The following TLL2 variants were observed in gnomAD, a reference collection of about 807,000 sequenced individuals.
TLL2 encodes tolloid-like protein 2.
TLL2 carries 106 observed loss-of-function variants against 123.0 expected under a neutral mutation model. The ratio of observed to expected loss-of-function variants is 0.86; its 90% CI spans 0.74 to 1.01. The LOEUF is 1.01. Ranked by LOEUF, TLL2 falls within the 50% of genes least tolerant of loss-of-function variation. TLL2 has a pLI of 0.00. For synonymous variants in TLL2, 494 were observed against 516.8 expected (o/e 0.96, Z 0.60); for missense variants, 1,332 against 1,336.7 (o/e 1.00, Z 0.06).
chr10:96,459,155 G>A (rs539509336), intron 2 of TLL2, among the ~76,000 whole-genome samples: 9 of 152,216 alleles, frequency 5.9e-5, no homozygotes, highest in African/African-American at 1.4e-4. Context: ...TTCCCCAAAC[G>A]AAGTTATGGG....
intron 1 of TLL2, among the ~76,000 whole-genome samples, chr10:96,507,929 T>C (rs1359120032): frequency 1.3e-5 from 2 of 152,160 alleles, no homozygotes; most frequent in Admixed American, 1.3e-4. Flanking sequence ...TTTAATTCCA[T>C]CAAATCAGCA....
intron 10 of TLL2, among the ~76,000 whole-genome samples, chr10:96,403,039 C>T (rs1014422934): frequency 5.9e-5 from 9 of 152,176 alleles, no homozygotes; most frequent in African/African-American, 2.2e-4. Flanking sequence ...CCTCACTGAG[C>T]GCTTAGACTT....
chr10:96,391,390 C>T (rs1372654755), intron 13 of TLL2, among the ~76,000 whole-genome samples: 2 of 152,182 alleles, frequency 1.3e-5, no homozygotes, highest in Non-Finnish European at 2.9e-5. Context: ...CCACTTGCCA[C>T]GTCCAGAGCC....
chr10:96,442,521 T>C (rs1475916021), intron 3 of TLL2, among the ~76,000 whole-genome samples: 1 of 152,256 alleles, frequency 6.6e-6, no homozygotes, highest in Non-Finnish European at 1.5e-5. Context: ...TCTTCAGGAC[T>C]GCCCTGGATG....
intron 1 of TLL2, among the ~76,000 whole-genome samples, chr10:96,481,413 ATGT>A (rs761711475): frequency 5.9e-5 from 9 of 152,250 alleles, no homozygotes; most frequent in Non-Finnish European, 8.8e-5. Flanking sequence ...TACAGGTGTG[ATGT>A]TGTTTTCATA....
chr10:96,411,766 C>G lies in TLL2; in HGVS notation c.1049-1292G>C, dbSNP rs74515452. Reference sequence around the variant, plus strand: ...TGGCGACTGACTGAGCTTTCAGTTACTGCTCGGAACTACTGGAAGCTCCAC... The same window carrying G: ...TGGCGACTGACTGAGCTTTCAGTTAGTGCTCGGAACTACTGGAAGCTCCAC... On this transcript the variant is annotated intron_variant, in intron 8 of 20. Coordinates refer to ENST00000357947, the MANE Select transcript of TLL2 (RefSeq NM_012465.4). Among the ~76,000 whole-genome samples, 1,262 of 152,310 alleles carry G rather than the reference C, an allele frequency of 8.3e-3. 61 individuals carry two copies. In the South Asian group the frequency reaches 0.1, roughly 13 times the overall value.
chr10:96,495,004 C>T (rs544741500), intron 1 of TLL2, among the ~76,000 whole-genome samples: 4 of 152,274 alleles, frequency 2.6e-5, no homozygotes, highest in African/African-American at 7.2e-5. Context: ...TGGTCACTGA[C>T]CTTACGTTTG....
intron 2 of TLL2, among the ~76,000 whole-genome samples, chr10:96,459,733 G>T (rs867190485): frequency 0.012 from 570 of 48,708 alleles, 9 homozygotes; most frequent in African/African-American, 0.035. Flanking sequence ...TATATATATA[G>T]CAGCTAAAAT....
At chr10:96,494,562 T>G (rs563199337) in intron 1 of TLL2, among the ~76,000 whole-genome samples, 1 of 152,360 alleles carries the variant, frequency 6.6e-6, no homozygotes, top group South Asian at 2.1e-4. Flanking sequence ...ATTTCTACAC[T>G]TAGACCTCAG....
In TLL2 at chr10:96,476,240, A is replaced by ATATATATATATTTTTTTTTTTT; in HGVS notation, c.286+4108_286+4109insAAAAAAAAAAAATATATATATA. Among the ~76,000 whole-genome samples the ATATATATATATTTTTTTTTTTT allele has an allele frequency of 9.8e-5, 2 of 20,498 alleles. 1 individual carries two copies. Among genetic ancestry groups the ATATATATATATTTTTTTTTTTT allele is most frequent in the Non-Finnish European group, 2.0e-4 (2 of 10,014 alleles). 13.4% of individuals were successfully genotyped at this position (20,498 alleles called of 152,430 possible). ...TTTATATGTATATATATATATATATATTTTATTTTTGTTGTTGTTGTTGTT... is the reference window on the plus strand; with the variant it reads ...TTTATATGTATATATATATATATATATATATATATATTTTTTTTTTTTTTTTATTTTTGTTGTTGTTGTTGTT... On this transcript the variant is annotated intron_variant, in intron 2 of 20. Transcript: ENST00000357947.
At chr10:96,374,074 G>A (rs1256894243) in intron 18 of TLL2, 1 of 457,054 alleles carries the variant, frequency 2.2e-6, no homozygotes, top group East Asian at 4.2e-5. Context: ...TGAGAGAGCA[G>A]GGGTTCAGAG....
chr10:96,421,085 C>T (rs1264597456), intron 6 of TLL2, 24 bp from the exon 7 acceptor site: 2 of 1,600,604 alleles, frequency 1.2e-6, no homozygotes, highest in East Asian at 2.2e-5. Flanking sequence ...CTGTGTTAAG[C>T]CCTTTGAAAA....
chr10:96,405,143 C>T, intron 10 of TLL2, 89 bp downstream of exon 10: 1 of 1,221,140 alleles, frequency 8.2e-7, no homozygotes, highest in Non-Finnish European at 1.2e-6. Context: ...TTTCCTGTGA[C>T]CGCTGTCAAG....
chr10:96,473,054 C>CCA (rs1564914204), intron 2 of TLL2, among the ~76,000 whole-genome samples: 3 of 152,168 alleles, frequency 2.0e-5, no homozygotes, highest in African/African-American at 7.2e-5. Context: ...ATCAGCCCCC[C>CCA]CCAATCAGAT....
At position 96,459,687 on chromosome 10, in the gene TLL2, AAAAAAAAAAAAAAAAAAAATATAT is replaced by A. The variant is rs1383217320; in HGVS notation, c.287-13543_287-13520del. On this transcript the variant is annotated intron_variant, in intron 2 of 20. Coordinates refer to ENST00000357947, the MANE Select transcript of TLL2 (RefSeq NM_012465.4). ...CCTGTTTCAAAAAAAAAAAAAAAAA[AAAAAAAAAAAAAAAAAAAATATAT>A]ATATATATATATATATATATAGCAG... Among the ~76,000 whole-genome samples, 211 of 52,260 alleles carry A rather than the reference AAAAAAAAAAAAAAAAAAAATATAT, an allele frequency of 4.0e-3. 6 individuals carry two copies. The highest frequency in any genetic ancestry group is 0.014 in the African/African-American group (208 of 14,760). 34.3% of individuals were successfully genotyped at this position (52,260 alleles called of 152,430 possible). A position where few individuals can be genotyped will look rare whatever the true frequency, so the allele number is the denominator to read the frequency against.
In TLL2 at chr10:96,405,124, C is replaced by T. The variant is rs1846437131; in HGVS notation, c.1267+108G>A. The stretch of plus-strand genomic sequence containing the variant: ...CTCAGAGTTTTACAATGACAGAGGC[C>T]CTTGAGAGTTTCCTGTGACCGCTGT... On this transcript the variant is annotated intron_variant, in intron 10 of 20. Transcript: ENST00000357947. 3 of 987,304 alleles carry T rather than the reference C, an allele frequency of 3.0e-6. No individual in the cohort carries two copies. In the Admixed American group the frequency reaches 5.7e-5, roughly 19 times the overall value. 61.2% of individuals were successfully genotyped at this position (987,304 alleles called of 1,614,324 possible). A position where few individuals can be genotyped will look rare whatever the true frequency, so the allele number is the denominator to read the frequency against.
intron 10 of TLL2, among the ~76,000 whole-genome samples, chr10:96,399,195 T>C (rs114844216): frequency 0.027 from 4,104 of 152,274 alleles, 93 homozygotes; most frequent in Middle Eastern, 0.065. Context: ...CTAAAATTGA[T>C]TGTGGTGACA....
intron 4 of TLL2, among the ~76,000 whole-genome samples, chr10:96,432,583 G>A (rs959906205): frequency 1.3e-5 from 2 of 152,212 alleles, no homozygotes; most frequent in East Asian, 1.9e-4. Flanking sequence ...ATGAAGCATC[G>A]GGGAGCAAGG....
intron 3 of TLL2, among the ~76,000 whole-genome samples, chr10:96,436,909 C>T (rs371724118): frequency 9.9e-5 from 15 of 152,272 alleles, no homozygotes; most frequent in East Asian, 9.6e-4. Context: ...TGGTCTCAAA[C>T]TCCTGAGCTA....
Sources: gnomAD v4.1 joint callset for allele counts (sites outside exome capture counted in the v4.1 genomes callset) on GRCh38, gnomAD v4.1.1 for gene constraint, MANE v1.5 for transcripts, NCBI Gene and HGNC (gene_info 2026-07-23, HGNC 2026-07-21) for gene names.